Variants in NRSN1 observed in about 807,000 individuals in gnomAD.
The protein encoded by NRSN1 is neurensin 1.
Under a neutral mutation model 17.3 loss-of-function variants are expected in NRSN1, and 14 were observed. That is an observed-to-expected ratio of 0.81 (90% CI 0.54 to 1.27). The LOEUF is 1.27. Ranked by LOEUF, NRSN1 falls within the 50% of genes most tolerant of loss-of-function variation. The probability of loss-of-function intolerance (pLI) is 0.00; values close to 1 mark genes in which losing one functional copy is unlikely to be tolerated. For synonymous variants in NRSN1, 79 were observed against 94.2 expected, an observed-to-expected ratio of 0.84 and a Z score of 0.93; for missense variants, 209 against 235.9, an observed-to-expected ratio of 0.89 and a Z score of 0.75.
At chr6:24,132,664 TTC>T (rs1760053811) in intron 2 of NRSN1, among the ~76,000 whole-genome samples, 1 of 152,194 alleles carries the variant, frequency 6.6e-6, no homozygotes, top group African/African-American at 2.4e-5. Flanking sequence ...AATTTTATAT[TTC>T]TTTTATTATT....
intron 3 of NRSN1, among the ~76,000 whole-genome samples, chr6:24,144,749 C>T (rs1760274054): frequency 6.6e-6 from 1 of 151,942 alleles, no homozygotes; most frequent in Admixed American, 6.6e-5. Flanking sequence ...TGTTTTGTCT[C>T]ACTTCATCAT....
At chr6:24,138,207 G>A (rs1760145955) in intron 3 of NRSN1, among the ~76,000 whole-genome samples, 2 of 152,168 alleles carry the variant, frequency 1.3e-5, no homozygotes, top group Non-Finnish European at 2.9e-5. Flanking sequence ...TACACAGAGT[G>A]CCGCACACTT....
rs751168423 is a variant in NRSN1, at chr6:24,142,191, C to CTTTT, written c.190-3337_190-3334dup. Among the ~76,000 whole-genome samples the CTTTT allele has an allele frequency of 2.5e-3, 110 of 44,444 alleles. 17 individuals carry two copies. Among genetic ancestry groups the CTTTT allele is most frequent in the African/African-American group, 6.8e-3 (91 of 13,362 alleles). 29.2% of individuals were successfully genotyped at this position (44,444 alleles called of 152,430 possible). ...AGCACTTATGTCTTATACAGAACAG[C>CTTTT]TTTTTTTTTTTTTTTTTTTTTTTCA... On this transcript the variant is annotated intron_variant, in intron 3 of 3. Transcript: ENST00000378491.
chr6:24,137,688 CA>C (rs1760138504), intron 3 of NRSN1, among the ~76,000 whole-genome samples: 1 of 152,082 alleles, frequency 6.6e-6, no homozygotes, highest in Admixed American at 6.5e-5. Context: ...CCCACTCCCC[CA>C]ACCCCGCAGC....
chr6:24,131,586 C>T (rs1263011398), intron 2 of NRSN1, among the ~76,000 whole-genome samples: 1 of 152,056 alleles, frequency 6.6e-6, no homozygotes, highest in Non-Finnish European at 1.5e-5. Context: ...CATGGTGTAA[C>T]CTTTAGTAGA....
rs566127756 is a variant in NRSN1, at chr6:24,145,189, G to A, written c.190-359G>A. Reference sequence around the variant, plus strand: ...GACATATATATTATATAGATCTTTAGCTATATATAATATATCTTTAGATAA... The same window carrying A: ...GACATATATATTATATAGATCTTTAACTATATATAATATATCTTTAGATAA... On this transcript the variant is annotated intron_variant, in intron 3 of 3. Coordinates refer to ENST00000378491, the MANE Select transcript of NRSN1 (RefSeq NM_080723.5). This position sits in a 1 kb window ranked among gnomAD's most constrained non-coding sequence, Gnocchi z 4.4. Among the ~76,000 whole-genome samples the A allele has an allele frequency of 1.0e-3, 139 of 135,322 alleles. 1 individual carries two copies. The highest frequency in any genetic ancestry group is 3.7e-3 in the African/African-American group (133 of 36,270). The allele number at this position is 135,322 out of a possible 152,430, so 88.8% of individuals were successfully genotyped here. A position where few individuals can be genotyped will look rare whatever the true frequency, so the allele number is the denominator to read the frequency against.
intron 1 of NRSN1, among the ~76,000 whole-genome samples, chr6:24,126,840 TAGAC>T (rs1225362478): frequency 1.3e-5 from 2 of 152,196 alleles, no homozygotes; most frequent in Non-Finnish European, 2.9e-5. Context: ...TTTGTGTTGT[TAGAC>T]AGGAACATTA....
intron 3 of NRSN1, among the ~76,000 whole-genome samples, chr6:24,136,698 G>A (rs1425912981): frequency 6.6e-6 from 1 of 151,984 alleles, no homozygotes; most frequent in African/African-American, 2.4e-5. Context: ...CATAGTTATG[G>A]GTTTACAACA....
At chr6:24,128,007 C>T (rs538752177) in intron 1 of NRSN1, 121 bp from the exon 2 acceptor site, 6 of 152,164 alleles carry the variant, frequency 3.9e-5, no homozygotes, top group African/African-American at 7.2e-5. Flanking sequence ...TTCTTAAACA[C>T]GAATTTCTTT....
intron 2 of NRSN1, among the ~76,000 whole-genome samples, chr6:24,134,042 T>TGTGTGTGTGTGTGTGTG (rs1554140179): frequency 8.5e-5 from 4 of 47,214 alleles, no homozygotes; most frequent in African/African-American, 3.1e-4. Context: ...GTGTGTGTGT[T>TGTGTGTGTGTGTGTGTG]TTTAGTAGAG....
At chr6:24,143,703 C>T (rs1356561872) in intron 3 of NRSN1, among the ~76,000 whole-genome samples, 1 of 152,164 alleles carries the variant, frequency 6.6e-6, no homozygotes, top group Non-Finnish European at 1.5e-5. Context: ...AATACTGTTA[C>T]CAATGTAGCA....
intron 2 of NRSN1, among the ~76,000 whole-genome samples, chr6:24,132,396 A>G (rs1760048073): frequency 6.6e-6 from 1 of 152,214 alleles, no homozygotes; most frequent in African/African-American, 2.4e-5. Flanking sequence ...TTGCTTGATA[A>G]GTAATTGGAA....
At chr6:24,127,037 T>C (rs902254661) in intron 1 of NRSN1, among the ~76,000 whole-genome samples, 20 of 150,792 alleles carry the variant, frequency 1.3e-4, no homozygotes, top group South Asian at 4.2e-4. Context: ...TCAGCGAAAA[T>C]GGAGAAGCTG....
chr6:24,127,173 C>T (rs896138224), intron 1 of NRSN1, among the ~76,000 whole-genome samples: 1 of 152,230 alleles, frequency 6.6e-6, no homozygotes, highest in South Asian at 2.1e-4. Flanking sequence ...AATTTAGTGA[C>T]CTATGATTGG....
intron 2 of NRSN1, 77 bp from the exon 3 acceptor site, chr6:24,134,242 G>A (rs933216787): frequency 6.2e-5 from 74 of 1,195,316 alleles, no homozygotes; most frequent in Non-Finnish European, 7.6e-5. Flanking sequence ...ACTCAGTCTG[G>A]TTCTTACCTT....
intron 1 of NRSN1, among the ~76,000 whole-genome samples, chr6:24,127,298 T>G (rs1759964290): frequency 6.6e-6 from 1 of 152,190 alleles, no homozygotes; most frequent in Non-Finnish European, 1.5e-5. Flanking sequence ...GTCTTGACGA[T>G]TTGGCTTTGG....
In NRSN1 at chr6:24,145,920, A is replaced by T; in HGVS notation, c.562A>T (p.Asn188Tyr). Residue 188 changes from asparagine to tyrosine, a missense_variant, in exon 4 of 4, where the codon AAT becomes TAT. By Grantham distance (143) the Asn-to-Tyr change is moderately radical (BLOSUM62 -2). Transcript: ENST00000378491. This position sits in a 1 kb window ranked among gnomAD's most constrained non-coding sequence, Gnocchi z 4.4. ...KIPVTLSRVQ[N>Y]VQPLLAT is the part of the protein sequence containing the mutation. Reference sequence around the variant, plus strand: ...TCCAGTCACTTTGTCCAGGGTTCAAAATGTCCAGCCTCTACTGGCAACCTG... The same window carrying T: ...TCCAGTCACTTTGTCCAGGGTTCAATATGTCCAGCCTCTACTGGCAACCTG... 1.2e-6 allele frequency: 2 copies of T among 1,612,446 alleles called. No homozygotes were observed. The highest frequency in any genetic ancestry group is 1.7e-6 in the Non-Finnish European group (2 of 1,179,498).
Position 24,146,006 on chromosome 6 carries a change from C to G in NRSN1, c.*60C>G. 8 of 1,522,318 alleles carry G rather than the reference C, an allele frequency of 5.3e-6. No homozygotes were observed. The highest frequency in any genetic ancestry group is 7.2e-6 in the Non-Finnish European group (8 of 1,115,662). 94.3% of individuals were successfully genotyped at this position (1,522,318 alleles called of 1,614,324 possible). Reference sequence around the variant, plus strand: ...ATGCCCGTGGTTAAAAAGAGCAGGCCAGTTTTCGAGATAAAGAAGATTTGG... The same window carrying G: ...ATGCCCGTGGTTAAAAAGAGCAGGCGAGTTTTCGAGATAAAGAAGATTTGG... On this transcript the variant is annotated 3_prime_UTR_variant, in exon 4 of 4. Transcript: ENST00000378491.
chr6:24,132,760 G>A (rs1296181051), intron 2 of NRSN1, among the ~76,000 whole-genome samples: 1 of 152,180 alleles, frequency 6.6e-6, no homozygotes, highest in East Asian at 1.9e-4. Context: ...ATGTGCCATG[G>A]TGATGTGTTG....
Sources: gnomAD v4.1 joint callset for allele counts (sites outside exome capture counted in the v4.1 genomes callset) on GRCh38, gnomAD v4.1.1 for gene constraint, Gnocchi (gnomAD v3.1) non-coding constraint, MANE v1.5 for transcripts, NCBI Gene and HGNC (gene_info 2026-07-23, HGNC 2026-07-21) for gene names.